The following NIPBL variants were observed in gnomAD, a reference collection of about 807,000 sequenced individuals.
NIPBL encodes the protein NIPBL cohesin loading factor.
Under a neutral mutation model 321.8 loss-of-function variants are expected in NIPBL, and 19 were observed. That is an observed-to-expected ratio of 0.06 (90% CI 0.04 to 0.09). The LOEUF (loss-of-function observed/expected upper bound fraction) is 0.09, where lower values mean the gene tolerates loss of function less well. NIPBL is among the 10% of genes least tolerant of loss of function. The pLI, the probability that NIPBL is intolerant of heterozygous loss-of-function variation, is 1.00. For synonymous variants in NIPBL, 1,106 were observed against 1,114.1 expected (o/e 0.99, Z 0.14); for missense variants, 2,210 against 3,327.0 (o/e 0.66, Z 8.26).
chr5:36,956,224 C>T (rs914189233), intron 3 of NIPBL, among the ~76,000 whole-genome samples: 3 of 151,842 alleles, frequency 2.0e-5, no homozygotes, highest in Middle Eastern at 3.2e-3. Context: ...AGTAAGACTC[C>T]GTCTGGGGAA....
intron 1 of NIPBL, among the ~76,000 whole-genome samples, chr5:36,909,379 C>T (rs746128065): frequency 6.6e-6 from 1 of 152,102 alleles, no homozygotes; most frequent in African/African-American, 2.4e-5. Flanking sequence ...AATATAAGAT[C>T]TTTGAATCTT....
At chr5:36,928,830 A>G (rs1238552767) in intron 1 of NIPBL, among the ~76,000 whole-genome samples, 1 of 152,198 alleles carries the variant, frequency 6.6e-6, no homozygotes, top group Non-Finnish European at 1.5e-5. Context: ...TTTATGACAT[A>G]ACGTATCAGT....
chr5:36,921,397 A>G (rs959888084), intron 1 of NIPBL, among the ~76,000 whole-genome samples: 2 of 152,202 alleles, frequency 1.3e-5, no homozygotes, highest in African/African-American at 4.8e-5. Flanking sequence ...ACACTAAAGC[A>G]AAATAAAAAG....
chr5:36,884,394 ATTG>A (rs1745730341), intron 1 of NIPBL, among the ~76,000 whole-genome samples: 1 of 152,174 alleles, frequency 6.6e-6, no homozygotes, highest in African/African-American at 2.4e-5. Context: ...ATATTTGTGT[ATTG>A]TTCCCACTTC....
chr5:36,913,976 A>G (rs10038294), intron 1 of NIPBL, among the ~76,000 whole-genome samples: 4,976 of 152,240 alleles, frequency 0.033, 285 homozygotes, highest in African/African-American at 0.11. Context: ...TACTTATCCA[A>G]CAGTTTGTCA....
At position 36,986,018 on chromosome 5, in the gene NIPBL, G is replaced by A; in HGVS notation, c.2838G>A (p.Leu946=). The A allele has an allele frequency of 6.2e-7, 1 of 1,613,966 alleles. No individual in the cohort carries two copies. Among genetic ancestry groups the A allele is most frequent in the Non-Finnish European group, 8.5e-7 (1 of 1,179,930 alleles). The change falls in exon 10 of 47, where the codon TTG becomes TTA. Residue 946 remains leucine (L), a synonymous_variant. Transcript: ENST00000282516. ...DNKAEFPSYL[L]GGRSGALKNF... ...AGGCAGAATTTCCAAGTTATTTGTT[G>A]GGGGGCAGGTCTGGTGCGTTGAAAA...
At chr5:37,002,468 C>T (rs1242901074) in intron 14 of NIPBL, among the ~76,000 whole-genome samples, 194 bp from the exon 15 acceptor site, 1 of 152,186 alleles carries the variant, frequency 6.6e-6, no homozygotes, top group Non-Finnish European at 1.5e-5. Flanking sequence ...CTCATCTTCC[C>T]ATTTCAGTCA....
intron 34 of NIPBL, among the ~76,000 whole-genome samples, chr5:37,039,714 T>C (rs115902456): frequency 0.014 from 2,184 of 152,244 alleles, 57 homozygotes; most frequent in African/African-American, 0.051. Context: ...TGCATTTGTT[T>C]TGCTGCTGTG....
chr5:36,930,411 A>G (rs963129379), intron 1 of NIPBL, among the ~76,000 whole-genome samples: 1 of 151,904 alleles, frequency 6.6e-6, no homozygotes, highest in African/African-American at 2.4e-5. Context: ...CTATCTTGTG[A>G]TCTAGCTGAG....
At chr5:36,978,009 A>G (rs1743694388) in intron 9 of NIPBL, among the ~76,000 whole-genome samples, 2 of 152,006 alleles carry the variant, frequency 1.3e-5, no homozygotes, top group Non-Finnish European at 1.5e-5. Flanking sequence ...TCCACTCCTG[A>G]TGGACGCTTA....
At chr5:36,905,648 A>G (rs188410636) in intron 1 of NIPBL, among the ~76,000 whole-genome samples, 333 of 152,332 alleles carry the variant, frequency 2.2e-3, no homozygotes, top group Middle Eastern at 3.4e-3. Context: ...TTTATTTTCA[A>G]TAAAAATTTC....
intron 1 of NIPBL, among the ~76,000 whole-genome samples, chr5:36,890,621 A>C (rs1004754356): frequency 6.6e-6 from 1 of 152,176 alleles, no homozygotes; most frequent in Non-Finnish European, 1.5e-5. Flanking sequence ...TTAGCATGGG[A>C]TCTAAACTGC....
chr5:37,018,844 G>A (rs973507233), intron 24 of NIPBL, among the ~76,000 whole-genome samples: 1 of 152,066 alleles, frequency 6.6e-6, no homozygotes, highest in Non-Finnish European at 1.5e-5. Flanking sequence ...TAATGGCCGG[G>A]CGCAGTGGCT....
chr5:37,062,853 G>A (rs1379793591), intron 45 of NIPBL, among the ~76,000 whole-genome samples: 4 of 152,004 alleles, frequency 2.6e-5, no homozygotes, highest in Non-Finnish European at 4.4e-5. Context: ...CTGGGAGGTG[G>A]AGGCTACAGT....
At position 36,984,806 on chromosome 5, in the gene NIPBL, C is replaced by T. The variant is rs1193409074; in HGVS notation, c.1626C>T (p.Ser542=). The T allele has an allele frequency of 1.8e-5, 29 of 1,613,728 alleles. No homozygotes were observed. The highest frequency in any genetic ancestry group is 2.4e-5 in the Non-Finnish European group (28 of 1,179,854). ...GNGSRPALMV[S]IDLHQAGRVD... ...GGTCAAGGCCAGCATTAATGGTTAG[C>T]ATTGATCTTCATCAGGCAGGAAGAG... The change falls in exon 10 of 47, where the codon AGC becomes AGT. Residue 542 remains serine, a synonymous_variant. Coordinates refer to ENST00000282516, the MANE Select transcript of NIPBL (RefSeq NM_133433.4).
chr5:37,057,348 T>C lies in NIPBL; in HGVS notation c.7410+16T>C. On this transcript the variant is annotated intron_variant, in intron 43 of 46. Transcript: ENST00000282516. ...ATTCAAGGAGGTAAGTTACACACATTACTATTCTTAATCCATCTGTCAAAG... is the reference window on the plus strand; with the variant it reads ...ATTCAAGGAGGTAAGTTACACACATCACTATTCTTAATCCATCTGTCAAAG... 6.2e-7 allele frequency: 1 copy of C among 1,610,354 alleles called. No homozygotes were observed. Among genetic ancestry groups the C allele is most frequent in the Non-Finnish European group, 8.5e-7 (1 of 1,177,056 alleles).
intron 8 of NIPBL, among the ~76,000 whole-genome samples, chr5:36,974,215 T>G (rs1374819510): frequency 6.6e-6 from 1 of 152,174 alleles, no homozygotes; most frequent in African/African-American, 2.4e-5. Flanking sequence ...AAATAGTAGA[T>G]GAACTTTAGA....
intron 45 of NIPBL, among the ~76,000 whole-genome samples, chr5:37,062,357 G>A (rs1017076900): frequency 5.9e-5 from 9 of 151,294 alleles, no homozygotes; most frequent in Non-Finnish European, 4.4e-5. Flanking sequence ...TTACTTTTTC[G>A]TATGTTCTTA....
intron 1 of NIPBL, among the ~76,000 whole-genome samples, chr5:36,907,577 AT>A (rs1333521999): frequency 6.6e-6 from 1 of 152,164 alleles, no homozygotes; most frequent in Non-Finnish European, 1.5e-5. Context: ...TGTGGGAGTA[AT>A]ATGACTGAAA....
Sources: gnomAD v4.1 joint callset for allele counts (sites outside exome capture counted in the v4.1 genomes callset) on GRCh38, gnomAD v4.1.1 for gene constraint, MANE v1.5 for transcripts, NCBI Gene and HGNC (gene_info 2026-07-23, HGNC 2026-07-21) for gene names.